Variants in DAZAP1 observed in about 807,000 individuals in gnomAD.
DAZAP1 encodes the protein DAZ-associated protein 1.
A neutral mutation model predicts 60.1 loss-of-function variants in DAZAP1; 6 were observed. The ratio of observed to expected loss-of-function variants is 0.10; its 90% confidence interval spans 0.05 to 0.20. DAZAP1 has a LOEUF of 0.20. Among genes scored for constraint, DAZAP1 ranks in the 10% least tolerant of loss-of-function variants. The pLI is 1.00. For synonymous variants in DAZAP1, 235 were observed against 215.9 expected (o/e 1.09, Z -0.78); for missense variants, 366 against 560.4 (o/e 0.65, Z 3.50).
Position 1,422,280 on chromosome 19 carries a change from T to C in DAZAP1, c.415-68T>C, listed in dbSNP as rs2083179844. The C allele has an allele frequency of 4.8e-6, 7 of 1,454,018 alleles. No homozygotes were observed. The highest frequency in any genetic ancestry group is 6.7e-6 in the Non-Finnish European group (7 of 1,037,240). The allele number at this position is 1,454,018 out of a possible 1,614,324, so 90.1% of individuals were successfully genotyped here. A position where few individuals can be genotyped will look rare whatever the true frequency, so the allele number is the denominator to read the frequency against. The stretch of plus-strand genomic sequence containing the variant: ...AGAGTTTGGGTTCGTGGGAACAGGC[T>C]GTGCCCTCGGAAGACCACCTGTGGT... On this transcript the variant is annotated intron_variant, in intron 5 of 11. Transcript: ENST00000233078. The surrounding 1 kb of genome is among the most constrained non-coding windows in gnomAD (Gnocchi z 4.5).
chr19:1,417,133 T>A (rs2083009772), intron 1 of DAZAP1: 4 of 293,194 alleles, frequency 1.4e-5, no homozygotes, highest in South Asian at 1.3e-4. Context: ...TTTTCCTGAT[T>A]ATAAAATACT....
chr19:1,422,076 C>T lies in DAZAP1; in HGVS notation c.415-272C>T, dbSNP rs747455257. Among the ~76,000 whole-genome samples the T allele has an allele frequency of 2.6e-5, 4 of 152,194 alleles. No individual in the cohort carries two copies. The highest frequency in any genetic ancestry group is 5.9e-5 in the Non-Finnish European group (4 of 68,004). On this transcript the variant is annotated intron_variant, in intron 5 of 11. Transcript: ENST00000233078. This position sits in a 1 kb window ranked among gnomAD's most constrained non-coding sequence, Gnocchi z 4.5. ...GGCCCTTCATGTCCGTCAGCACACA[C>T]GTGAGCGGGGCCACGGGCAGCCCGG...
chr19:1,434,958 A>T lies in DAZAP1; in HGVS notation c.*46A>T. The T allele has an allele frequency of 2.8e-6, 3 of 1,069,068 alleles. No individual in the cohort carries two copies. The highest frequency in any genetic ancestry group is 3.4e-6 in the Non-Finnish European group (3 of 881,358). 66.2% of individuals were successfully genotyped at this position (1,069,068 alleles called of 1,614,324 possible). A position where few individuals can be genotyped will look rare whatever the true frequency, so the allele number is the denominator to read the frequency against. ...GCACGGCCCAGACCCAGGATTCCAA[A>T]CTTGTGAACTCGTGACAATCACAAA... On this transcript the variant is annotated 3_prime_UTR_variant, in exon 12 of 12. Coordinates refer to ENST00000233078, the MANE Select transcript of DAZAP1 (RefSeq NM_018959.4). The surrounding 1 kb of genome is among the most constrained non-coding windows in gnomAD (Gnocchi z 8.0).
chr19:1,433,621 T>A lies in DAZAP1; in HGVS notation c.1048+931T>A. Reference sequence around the variant, plus strand: ...TCTTGACCCACTCACCACCAAACCCTGGCGTGTCTGAGACTGGCAGGGGGG... The same window carrying A: ...TCTTGACCCACTCACCACCAAACCCAGGCGTGTCTGAGACTGGCAGGGGGG... On this transcript the variant is annotated intron_variant, in intron 11 of 11. Transcript: ENST00000233078. The surrounding 1 kb of genome is among the most constrained non-coding windows in gnomAD (Gnocchi z 6.1). 6 of 773,618 alleles carry A rather than the reference T, an allele frequency of 7.8e-6. No homozygotes were observed. The highest frequency in any genetic ancestry group is 2.7e-5 in the East Asian group (1 of 37,422). The allele number at this position is 773,618 out of a possible 1,614,324, so 47.9% of individuals were successfully genotyped here. A position where few individuals can be genotyped will look rare whatever the true frequency, so the allele number is the denominator to read the frequency against.
chr19:1,418,586 T>A lies in DAZAP1; in HGVS notation c.238-80T>A. On this transcript the variant is annotated intron_variant, in intron 3 of 11. Coordinates refer to ENST00000233078, the MANE Select transcript of DAZAP1 (RefSeq NM_018959.4). The surrounding 1 kb of genome is among the most constrained non-coding windows in gnomAD (Gnocchi z 5.7). ...CGGGGCGGGCCGGGCTGCTGTGCCG[T>A]GGCTGCTGTTGTGCTGACACCCTCT... The A allele has an allele frequency of 6.4e-7, 1 of 1,569,224 alleles. No homozygotes were observed.
At position 1,418,539 on chromosome 19, in the gene DAZAP1, A is replaced by G. The variant is rs1200984279; in HGVS notation, c.238-127A>G. 3.5e-6 allele frequency: 5 copies of G among 1,441,386 alleles called. No homozygotes were observed. Among genetic ancestry groups the G allele is most frequent in the Non-Finnish European group, 4.9e-6 (5 of 1,028,012 alleles). 89.3% of individuals were successfully genotyped at this position (1,441,386 alleles called of 1,614,324 possible). On this transcript the variant is annotated intron_variant, in intron 3 of 11. Coordinates refer to ENST00000233078, the MANE Select transcript of DAZAP1 (RefSeq NM_018959.4). This position sits in a 1 kb window ranked among gnomAD's most constrained non-coding sequence, Gnocchi z 5.7. ...GAGGCTGGATATTGCAGGAGGATAC[A>G]GGGTGAATGGAGCCGGCGGGGCGGG... is the stretch of plus-strand genomic sequence containing the variant.
At chr19:1,421,361 C>A in intron 5 of DAZAP1, 103 bp downstream of exon 5, 1 of 980,090 alleles carries the variant, frequency 1.0e-6, no homozygotes, top group Non-Finnish European at 1.6e-6. Context: ...GTGCACGGGC[C>A]TTTCAGGCTG....
intron 2 of DAZAP1, among the ~76,000 whole-genome samples, chr19:1,417,894 T>C (rs2083033979): frequency 6.6e-6 from 1 of 151,868 alleles, no homozygotes; most frequent in African/African-American, 2.4e-5. Context: ...CGGCGCTCCT[T>C]GGCCACTGCC....
intron 1 of DAZAP1, among the ~76,000 whole-genome samples, chr19:1,408,687 G>A (rs1263189461): frequency 6.6e-6 from 1 of 152,222 alleles, no homozygotes; most frequent in Non-Finnish European, 1.5e-5. Context: ...CGCTTCCGAG[G>A]CGGCGACGGG....
chr19:1,433,707 G>A lies in DAZAP1; in HGVS notation c.1048+1017G>A, dbSNP rs1405092819. On this transcript the variant is annotated intron_variant, in intron 11 of 11. Transcript: ENST00000233078. This position sits in a 1 kb window ranked among gnomAD's most constrained non-coding sequence, Gnocchi z 6.1. ...CCGCTGCTCTTGGTGGCGGCTGCTT[G>A]GGTTGGTCACCCTGGTCTCGTCTCT... The A allele has an allele frequency of 6.3e-7, 1 of 1,590,446 alleles. No individual in the cohort carries two copies. Among genetic ancestry groups the A allele is most frequent in the South Asian group, 1.1e-5 (1 of 90,552 alleles).
At chr19:1,424,150 G>A (rs902891543) in intron 6 of DAZAP1, among the ~76,000 whole-genome samples, 10 of 151,848 alleles carry the variant, frequency 6.6e-5, no homozygotes, top group African/African-American at 2.2e-4. Context: ...GACCCCGCCT[G>A]TGTCTCGGGC....
rs2083525774 is a variant in DAZAP1, at chr19:1,433,964, TG to T, written c.1049-771del. 1.9e-5 allele frequency: 14 copies of T among 745,516 alleles called. No individual in the cohort carries two copies. Among genetic ancestry groups the T allele is most frequent in the Non-Finnish European group, 3.1e-5 (14 of 452,334 alleles). The allele number at this position is 745,516 out of a possible 1,614,324, so 46.2% of individuals were successfully genotyped here. On this transcript the variant is annotated intron_variant, in intron 11 of 11. Transcript: ENST00000233078. This position sits in a 1 kb window ranked among gnomAD's most constrained non-coding sequence, Gnocchi z 6.1. Reference sequence around the variant, plus strand: ...GGGGCCCTTGCCGGTGCCAAGACATTGGCCACAAGCCTTCAGCGGGCCCAGG... The same window carrying T: ...GGGGCCCTTGCCGGTGCCAAGACATTGCCACAAGCCTTCAGCGGGCCCAGG...
chr19:1,417,220 CT>C, intron 1 of DAZAP1: 1 of 501,012 alleles, frequency 2.0e-6, no homozygotes, highest in South Asian at 2.4e-5. Context: ...CACCACTGGC[CT>C]GTCCCAGGAA....
Position 1,434,638 on chromosome 19 carries a change from TCA to T in DAZAP1, c.1049-98_1049-97del. 7.3e-7 allele frequency: 1 copy of T among 1,361,516 alleles called. No homozygotes were observed. The highest frequency in any genetic ancestry group is 1.0e-6 in the Non-Finnish European group (1 of 977,098). 84.3% of individuals were successfully genotyped at this position (1,361,516 alleles called of 1,614,324 possible). ...CCCGCACCCCGTGGGACCCGTGGAC[TCA>T]AGGCAGGCTCGGCGGAGCTGTGTCC... On this transcript the variant is annotated intron_variant, in intron 11 of 11. Transcript: ENST00000233078. The surrounding 1 kb of genome is among the most constrained non-coding windows in gnomAD (Gnocchi z 8.0).
At position 1,424,657 on chromosome 19, in the gene DAZAP1, C is replaced by T. The variant is rs948659554; in HGVS notation, c.464-1221C>T. The stretch of plus-strand genomic sequence containing the variant: ...CCCACCCCCCACGGCCCTTCTCTGC[C>T]GCGCTCGTTCACGCCTCACGCCCGT... On this transcript the variant is annotated intron_variant, in intron 6 of 11. Coordinates refer to ENST00000233078, the MANE Select transcript of DAZAP1 (RefSeq NM_018959.4). 1.7e-4 allele frequency among the ~76,000 whole-genome samples: 26 copies of T among 151,910 alleles called. No homozygotes were observed. The East Asian group carries it at 2.7e-3, about 16-fold the overall frequency.
Position 1,432,332 on chromosome 19 carries a change from G to A in DAZAP1, c.872-182G>A, listed in dbSNP as rs1430701280. On this transcript the variant is annotated intron_variant, in intron 10 of 11. Coordinates refer to ENST00000233078, the MANE Select transcript of DAZAP1 (RefSeq NM_018959.4). This position sits in a 1 kb window ranked among gnomAD's most constrained non-coding sequence, Gnocchi z 4.9. The stretch of plus-strand genomic sequence containing the variant: ...TCCCAGGAGTGTGTGTTTCCTGGGG[G>A]GAGCGGCCCGGGACCGTGGCTCTGT... 5 of 660,172 alleles carry A rather than the reference G, an allele frequency of 7.6e-6. No individual in the cohort carries two copies. Among genetic ancestry groups the A allele is most frequent in the Non-Finnish European group, 1.1e-5 (4 of 375,388 alleles). The allele number at this position is 660,172 out of a possible 1,614,324, so 40.9% of individuals were successfully genotyped here. A position where few individuals can be genotyped will look rare whatever the true frequency, so the allele number is the denominator to read the frequency against.
At chr19:1,409,117 A>T (rs922699331) in intron 1 of DAZAP1, among the ~76,000 whole-genome samples, 3 of 152,200 alleles carry the variant, frequency 2.0e-5, no homozygotes, top group African/African-American at 7.2e-5. Flanking sequence ...CCAGGATGAA[A>T]GCACTTAGCC....
At chr19:1,417,237 C>T (rs1052443921) in intron 1 of DAZAP1, 15 of 521,436 alleles carry the variant, frequency 2.9e-5, no homozygotes, top group Admixed American at 1.1e-4. Context: ...AGGAACTCAT[C>T]GCCCGCCACG....
Position 1,432,969 on chromosome 19 carries a change from G to A in DAZAP1, c.1048+279G>A. ...GAACCTGAGTGGCGACTGGGTCGAGGGAAGTGAGTCGCAGGCAGCTGTGAT... is the reference window on the plus strand; with the variant it reads ...GAACCTGAGTGGCGACTGGGTCGAGAGAAGTGAGTCGCAGGCAGCTGTGAT... On this transcript the variant is annotated intron_variant, in intron 11 of 11. Coordinates refer to ENST00000233078, the MANE Select transcript of DAZAP1 (RefSeq NM_018959.4). This position sits in a 1 kb window ranked among gnomAD's most constrained non-coding sequence, Gnocchi z 4.9. 9.0e-6 allele frequency: 4 copies of A among 446,330 alleles called. No individual in the cohort carries two copies. In the South Asian group the frequency reaches 1.3e-4, roughly 14 times the overall value. 27.6% of individuals were successfully genotyped at this position (446,330 alleles called of 1,614,324 possible).
Sources: gnomAD v4.1 joint callset for allele counts (sites outside exome capture counted in the v4.1 genomes callset) on GRCh38, gnomAD v4.1.1 for gene constraint, Gnocchi (gnomAD v3.1) non-coding constraint, MANE v1.5 for transcripts, NCBI Gene and HGNC (gene_info 2026-07-23, HGNC 2026-07-21) for gene names.